The following MLIP variants were observed in gnomAD, a reference collection of about 807,000 sequenced individuals.
MLIP encodes the protein muscular LMNA interacting protein, also known as muscular LMNA-interacting protein.
Under a neutral mutation model 84.8 loss-of-function variants are expected in MLIP, and 79 were observed. The observed-to-expected ratio is 0.93, with a 90% CI of 0.78 to 1.12. MLIP has a LOEUF of 1.12. MLIP is among the 50% of genes most tolerant of loss of function. MLIP has a pLI of 0.00. For missense variants in MLIP, 1,257 were observed against 1,160.6 expected (o/e 1.08, Z -1.21); for synonymous variants, 504 against 463.0 (o/e 1.09, Z -1.14).
chr6:54,124,447 C>G, intron 2 of MLIP, 26 bp from the exon 3 acceptor site: 1 of 1,576,172 alleles, frequency 6.3e-7, no homozygotes, highest in South Asian at 1.2e-5. Flanking sequence ...AATGTCAATG[C>G]TTTTATCTCT....
intron 13 of MLIP, among the ~76,000 whole-genome samples, chr6:54,261,119 T>A (rs1384397532): frequency 6.6e-6 from 1 of 152,044 alleles, no homozygotes; most frequent in Non-Finnish European, 1.5e-5. Flanking sequence ...AGATAAATGA[T>A]TTCTGAGTTG....
At chr6:54,150,215 A>G (rs1243630137) in intron 5 of MLIP, among the ~76,000 whole-genome samples, 1 of 152,200 alleles carries the variant, frequency 6.6e-6, no homozygotes, top group Admixed American at 6.6e-5. Context: ...ATACACAGGT[A>G]GTGTCCAATC....
rs771190639 is a variant in MLIP at position 54,202,210 on chromosome 6, A to C, written c.2695A>C (p.Asn899His). ...CCCTTTCAGTAAATACTTGGAAGAT[A>C]ACAGCGACCTCTTTTCTGAACAGGT... The part of the protein sequence containing the change: ...PNPFSKYLED[N>H]SDLFSEQDVT... Residue 899 changes from asparagine to histidine, a missense_variant, in exon 11 of 14, where the codon AAC (asparagine) becomes CAC (histidine). Physicochemically the swap from Asn to His is moderately conservative, Grantham distance 68 (BLOSUM62 1). Transcript: ENST00000502396. 2 of 1,577,048 alleles carry C rather than the reference A, an allele frequency of 1.3e-6. No homozygotes were observed. Among genetic ancestry groups the C allele is most frequent in the East Asian group, 4.6e-5 (2 of 43,400 alleles).
At chr6:54,148,091 T>C (rs1243941584) in intron 4 of MLIP, among the ~76,000 whole-genome samples, 1 of 152,132 alleles carries the variant, frequency 6.6e-6, no homozygotes, top group Non-Finnish European at 1.5e-5. Context: ...TAATTTTATT[T>C]GATGACACTG....
chr6:54,030,350 A>G (rs752474851), intron 1 of MLIP, among the ~76,000 whole-genome samples: 7 of 152,234 alleles, frequency 4.6e-5, no homozygotes, highest in Non-Finnish European at 1.0e-4. Flanking sequence ...ACAAATAATT[A>G]GGACTATACC....
chr6:54,124,670 T>C lies in MLIP; in HGVS notation c.450T>C (p.Asp150=), dbSNP rs1473308242. Residue 150 remains aspartate, a synonymous_variant, in exon 3 of 14, where the codon GAT becomes GAC. Transcript: ENST00000502396. ...YVLIVDSEGE[D]EAASRKVEQG... is the part of the protein sequence containing the mutation. ...TTATTGTGGACTCCGAAGGGGAAGA[T>C]GAGGCTGCAAGCAGAAAAGTTGAAC... The C allele has an allele frequency of 6.2e-7, 1 of 1,614,098 alleles. No homozygotes were observed. Among genetic ancestry groups the C allele is most frequent in the South Asian group, 1.1e-5 (1 of 91,072 alleles).
rs559126862 is a variant in MLIP at position 54,229,231 on chromosome 6, TTGG to T, written c.2719-1481_2719-1479del. ...CAGTACGATAATTCAGTAACGTGTC[TTGG>T]TAGAAAATAAATAGCTTTCATGTAC... is the stretch of plus-strand genomic sequence containing the variant. On this transcript the variant is annotated intron_variant, in intron 11 of 13. Transcript: ENST00000502396. 4.6e-5 allele frequency among the ~76,000 whole-genome samples: 7 copies of T among 152,196 alleles called. 1 individual carries two copies. In the South Asian group the frequency reaches 1.5e-3, roughly 32 times the overall value.
intron 12 of MLIP, among the ~76,000 whole-genome samples, chr6:54,238,804 AT>A (rs1163765528): frequency 7.2e-5 from 11 of 152,076 alleles, no homozygotes; most frequent in Non-Finnish European, 1.6e-4. Flanking sequence ...CCTTGAGGAT[AT>A]TTTTTCTTTC....
intron 1 of MLIP, among the ~76,000 whole-genome samples, chr6:54,042,863 A>C (rs1764825225): frequency 6.6e-6 from 1 of 152,182 alleles, no homozygotes; most frequent in Non-Finnish European, 1.5e-5. Flanking sequence ...TTACTACTGC[A>C]ACCACCATCA....
chr6:54,049,981 T>A (rs1411074500), intron 1 of MLIP, among the ~76,000 whole-genome samples: 1 of 152,150 alleles, frequency 6.6e-6, no homozygotes, highest in African/African-American at 2.4e-5. Flanking sequence ...GTCTCAGAAT[T>A]AAACAACAAA....
chr6:54,233,402 C>A (rs1562088776), intron 12 of MLIP, among the ~76,000 whole-genome samples: 1 of 151,428 alleles, frequency 6.6e-6, no homozygotes. Context: ...TTGTTCAACT[C>A]CCACTTATGA....
In MLIP at chr6:54,217,207, C is replaced by G; in HGVS notation, c.2719-13507C>G. ...AGAAAACCGCAGCGTGAAGAGGGGA[C>G]AGCATGAGTGAAGAGGAAGTGAATT... On this transcript the variant is annotated intron_variant, in intron 11 of 13. Coordinates refer to ENST00000502396, the MANE Select transcript of MLIP (RefSeq NM_001281747.2). The G allele has an allele frequency of 4.1e-6, 4 of 985,298 alleles. No homozygotes were observed. In the South Asian group the frequency reaches 1.9e-4, roughly 46 times the overall value. The allele number at this position is 985,298 out of a possible 1,614,324, so 61.0% of individuals were successfully genotyped here.
chr6:54,022,679 GA>G (rs138236728), intron 1 of MLIP, among the ~76,000 whole-genome samples: 33 of 149,774 alleles, frequency 2.2e-4, no homozygotes, highest in Admixed American at 5.3e-4. Flanking sequence ...TAATGAAAAG[GA>G]AAAAAAAATC....
At chr6:54,105,613 G>A (rs1166275905) in intron 1 of MLIP, among the ~76,000 whole-genome samples, 1 of 152,128 alleles carries the variant, frequency 6.6e-6, no homozygotes, top group Non-Finnish European at 1.5e-5. Context: ...AAGCATCAGA[G>A]GTTGGTAAGT....
intron 8 of MLIP, among the ~76,000 whole-genome samples, chr6:54,161,210 T>G (rs1774605421): frequency 6.6e-6 from 1 of 151,902 alleles, no homozygotes; most frequent in African/African-American, 2.4e-5. Context: ...AATAGAGAAG[T>G]AAAAAATGAA....
At chr6:54,225,450 C>T (rs1780512074) in intron 11 of MLIP, among the ~76,000 whole-genome samples, 1 of 152,146 alleles carries the variant, frequency 6.6e-6, no homozygotes, top group Admixed American at 6.5e-5. Context: ...TCGTTGTTGG[C>T]TGAAATGTCA....
chr6:54,248,169 A>G (rs927127614), intron 12 of MLIP, among the ~76,000 whole-genome samples: 1 of 152,156 alleles, frequency 6.6e-6, no homozygotes, highest in Non-Finnish European at 1.5e-5. Context: ...TATAGAAGAT[A>G]AAAAACAGAG....
At chr6:54,248,132 A>G (rs1318644657) in intron 12 of MLIP, among the ~76,000 whole-genome samples, 3 of 152,136 alleles carry the variant, frequency 2.0e-5, no homozygotes, top group Non-Finnish European at 4.4e-5. Context: ...TCACACTGGA[A>G]TAAGAGGTAC....
chr6:54,219,606 A>G (rs1157335375), intron 11 of MLIP, among the ~76,000 whole-genome samples: 1 of 152,166 alleles, frequency 6.6e-6, no homozygotes, highest in East Asian at 1.9e-4. Flanking sequence ...TGACAGATTT[A>G]TGGTTTGCAA....
Sources: allele counts gnomAD v4.1 joint callset (sites outside exome capture counted in the v4.1 genomes callset), GRCh38; gene constraint gnomAD v4.1.1; transcripts MANE v1.5; gene names NCBI Gene and HGNC (gene_info 2026-07-23, HGNC 2026-07-21).